The following WDPCP variants were observed in gnomAD, a reference collection of about 807,000 sequenced individuals.
WDPCP encodes WD repeat-containing and planar cell polarity effector protein fritz homolog.
In WDPCP, 71 loss-of-function variants were observed where a neutral mutation model predicts 93.1. That is an observed-to-expected ratio of 0.76 (90% CI 0.63 to 0.93). The LOEUF (loss-of-function observed/expected upper bound fraction) is 0.93. Ranked by LOEUF, WDPCP falls within the 40% of genes least tolerant of loss-of-function variation. WDPCP has a pLI of 0.00. For synonymous variants in WDPCP, 315 were observed against 315.0 expected (o/e 1.00, Z 0.00); for missense variants, 844 against 887.4 (o/e 0.95, Z 0.62).
At chr2:63,607,254 C>T (rs913484509) in intron 3 of WDPCP, 3 of 213,140 alleles carry the variant, frequency 1.4e-5, no homozygotes, top group African/African-American at 2.3e-5. Context: ...AGCAAACTTG[C>T]GGACAGGCGC....
chr2:63,184,766 T>C (rs972121369), intron 14 of WDPCP, among the ~76,000 whole-genome samples: 2 of 152,206 alleles, frequency 1.3e-5, no homozygotes, highest in African/African-American at 4.8e-5. Context: ...AAATCTCTTA[T>C]AAAATTAGGG....
chr2:63,622,578 A>G (rs1042360040), intron 3 of WDPCP: 5 of 1,613,880 alleles, frequency 3.1e-6, no homozygotes, highest in Non-Finnish European at 1.7e-6. Context: ...TGGGTCCACA[A>G]TAGAGTCCTC....
intron 2 of WDPCP, among the ~76,000 whole-genome samples, chr2:63,742,419 T>C (rs1669738044): frequency 6.6e-6 from 1 of 151,748 alleles, no homozygotes; most frequent in African/African-American, 2.4e-5. Flanking sequence ...TAGGGAGACT[T>C]AGTGTTTTAA....
intron 1 of WDPCP, among the ~76,000 whole-genome samples, chr2:63,531,603 A>C (rs1703855730): frequency 6.6e-6 from 1 of 152,244 alleles, no homozygotes; most frequent in Non-Finnish European, 1.5e-5. Flanking sequence ...AGCAAACTCC[A>C]ACAGACCTGC....
chr2:63,134,990 G>A (rs1421060725), intron 17 of WDPCP, among the ~76,000 whole-genome samples: 1 of 152,118 alleles, frequency 6.6e-6, no homozygotes, highest in East Asian at 1.9e-4. Flanking sequence ...AGGTGTGGTG[G>A]CACGGGCCTG....
At chr2:63,140,382 A>C (rs919730275) in intron 17 of WDPCP, among the ~76,000 whole-genome samples, 1 of 152,072 alleles carries the variant, frequency 6.6e-6, no homozygotes, top group African/African-American at 2.4e-5. Flanking sequence ...GACTACATTG[A>C]ATTTGTAGAT....
chr2:63,299,967 G>A lies in WDPCP; in HGVS notation c.1812+13281C>T, dbSNP rs551266247. 7.9e-5 allele frequency among the ~76,000 whole-genome samples: 12 copies of A among 152,172 alleles called. No individual in the cohort carries two copies. The South Asian group carries it at 1.5e-3, about 18-fold the overall frequency. ...CCATCTTCCCTTCTCTGCCAGCCAC[G>A]TGTGCTGTAAGGAGCAGATAAGATG... On this transcript the variant is annotated intron_variant, in intron 13 of 17. Coordinates refer to ENST00000272321, the MANE Select transcript of WDPCP (RefSeq NM_015910.7).
At chr2:63,794,792 T>C (rs1209924557) in intron 2 of WDPCP, among the ~76,000 whole-genome samples, 2 of 152,212 alleles carry the variant, frequency 1.3e-5, no homozygotes, top group African/African-American at 2.4e-5. Flanking sequence ...CACTTTTGAC[T>C]ACCATCTTTG....
intron 14 of WDPCP, among the ~76,000 whole-genome samples, chr2:63,181,981 T>C (rs1472418763): frequency 1.3e-5 from 2 of 152,064 alleles, no homozygotes; most frequent in Non-Finnish European, 2.9e-5. Flanking sequence ...GTTGTTGATG[T>C]ATAGAAATGA....
chr2:63,125,690 CTCCGCT>C (rs1158939064), intron 17 of WDPCP, among the ~76,000 whole-genome samples: 1 of 152,116 alleles, frequency 6.6e-6, no homozygotes, highest in Non-Finnish European at 1.5e-5. Context: ...TCACTGCAAC[CTCCGCT>C]TCCCGGGTTC....
chr2:63,323,364 A>T (rs1054745240), intron 12 of WDPCP, among the ~76,000 whole-genome samples: 2 of 152,180 alleles, frequency 1.3e-5, no homozygotes, highest in Non-Finnish European at 2.9e-5. Context: ...TTCTGTAGGC[A>T]CCCAGGCTCA....
At chr2:63,317,874 G>C (rs1686781367) in intron 12 of WDPCP, among the ~76,000 whole-genome samples, 1 of 152,046 alleles carries the variant, frequency 6.6e-6, no homozygotes, top group African/African-American at 2.4e-5. Context: ...TCATGACAGA[G>C]ACTCCACAAG....
chr2:63,486,076 A>G (rs1231001376), intron 4 of WDPCP, among the ~76,000 whole-genome samples: 1 of 151,772 alleles, frequency 6.6e-6, no homozygotes, highest in East Asian at 1.9e-4. Flanking sequence ...GTTTAATTCT[A>G]TGTCATTAAA....
intron 2 of WDPCP, among the ~76,000 whole-genome samples, chr2:63,758,323 A>G (rs865817318): frequency 1.3e-5 from 2 of 152,180 alleles, no homozygotes; most frequent in African/African-American, 4.8e-5. Context: ...ACAGGAGAGA[A>G]AAACACTGAA....
intron 2 of WDPCP, chr2:63,684,506 A>G (rs949074547): frequency 6.7e-6 from 5 of 745,514 alleles, no homozygotes; most frequent in Non-Finnish European, 1.2e-5. Flanking sequence ...GAGGTCAAAG[A>G]TCAAGTCTTT....
At chr2:63,744,262 A>G (rs992958377) in intron 2 of WDPCP, among the ~76,000 whole-genome samples, 1 of 152,096 alleles carries the variant, frequency 6.6e-6, no homozygotes, top group African/African-American at 2.4e-5. Context: ...AATATACTCT[A>G]ACCTGAAAGC....
intron 6 of WDPCP, among the ~76,000 whole-genome samples, chr2:63,445,136 G>A (rs1697761390): frequency 6.8e-6 from 1 of 146,878 alleles, no homozygotes; most frequent in South Asian, 2.3e-4. Flanking sequence ...TCTGAGTTTT[G>A]TTCATTCAGT....
chr2:63,775,258 C>T (rs1670285002), intron 2 of WDPCP, among the ~76,000 whole-genome samples: 1 of 152,164 alleles, frequency 6.6e-6, no homozygotes, highest in Non-Finnish European at 1.5e-5. Context: ...CAATTTAGAT[C>T]AGCAGTGAGC....
rs953062954 is a variant in WDPCP at position 63,517,439 on chromosome 2, A to G, written c.76-24499T>C. ...CCCAAAAAAGACAAATTGGGGTGAA[A>G]TTATAAAGAACCTAGGATAAAATGC... On this transcript the variant is annotated intron_variant, in intron 1 of 17. Transcript: ENST00000272321. 3.9e-5 allele frequency among the ~76,000 whole-genome samples: 6 copies of G among 152,254 alleles called. No individual in the cohort carries two copies. The East Asian group carries it at 1.2e-3, about 29-fold the overall frequency.
Sources: allele counts gnomAD v4.1 joint callset (sites outside exome capture counted in the v4.1 genomes callset), GRCh38; gene constraint gnomAD v4.1.1; transcripts MANE v1.5; gene names NCBI Gene and HGNC (gene_info 2026-07-23, HGNC 2026-07-21).